LINGO1: variants seen among roughly 807,000 people sequenced by gnomAD.
The protein encoded by LINGO1 is leucine rich repeat and Ig domain containing 1, also known as leucine-rich repeat and immunoglobulin-like domain-containing nogo receptor-interacting protein 1.
Under a neutral mutation model 37.3 loss-of-function variants are expected in LINGO1, and 11 were observed. The observed-to-expected ratio is 0.29, with a 90% CI of 0.19 to 0.49. LINGO1 has a LOEUF of 0.49. Among genes scored for constraint, LINGO1 ranks in the 20% least tolerant of loss-of-function variants. LINGO1 has a pLI of 0.99. For missense variants in LINGO1, 585 were observed against 878.2 expected (o/e 0.67, Z 4.22); for synonymous variants, 387 against 403.0 (o/e 0.96, Z 0.48).
intron 3 of LINGO1, among the ~76,000 whole-genome samples, chr15:77,645,646 G>T (rs994603821): frequency 6.6e-6 from 1 of 152,184 alleles, no homozygotes; most frequent in East Asian, 1.9e-4. Context: ...TGCTGCCTCC[G>T]TGGGCCTCAG....
At chr15:77,810,248 A>G (rs1021155069) in intron 1 of LINGO1, among the ~76,000 whole-genome samples, 34 of 133,986 alleles carry the variant, frequency 2.5e-4, no homozygotes, top group Non-Finnish European at 4.2e-4. Flanking sequence ...ACACACACAC[A>G]CGCATACACA....
At chr15:77,723,007 C>T (rs1054438689) in intron 2 of LINGO1, among the ~76,000 whole-genome samples, 1 of 152,194 alleles carries the variant, frequency 6.6e-6, no homozygotes, top group African/African-American at 2.4e-5. Flanking sequence ...AGGTCGGGGG[C>T]CCTCAGGACC....
At chr15:77,712,405 GC>G (rs2075929177) in intron 2 of LINGO1, among the ~76,000 whole-genome samples, 1 of 151,774 alleles carries the variant, frequency 6.6e-6, no homozygotes, top group Non-Finnish European at 1.5e-5. Flanking sequence ...CAAATATCTT[GC>G]CCCCCTCCCC....
intron 2 of LINGO1, among the ~76,000 whole-genome samples, chr15:77,793,616 T>C (rs549245552): frequency 6.6e-6 from 1 of 152,348 alleles, no homozygotes; most frequent in East Asian, 1.9e-4. Context: ...TTATTTATAA[T>C]GACAGAACAT....
rs955496549 is a variant in LINGO1 at position 77,719,192 on chromosome 15, G to A, written c.-195+15800C>T. On this transcript the variant is annotated intron_variant, in intron 2 of 3. Coordinates refer to the LINGO1 transcript ENST00000561686. ...TCCTCCTCACTGCCTCTTTGAGAGTGAGGCCAGGTTTGCCTGAGCCCCTCT... is the reference window on the plus strand; with the variant it reads ...TCCTCCTCACTGCCTCTTTGAGAGTAAGGCCAGGTTTGCCTGAGCCCCTCT... Among the ~76,000 whole-genome samples the A allele has an allele frequency of 1.1e-4, 16 of 150,098 alleles. 3 individuals carry two copies. The highest frequency in any genetic ancestry group is 2.2e-4 in the Non-Finnish European group (15 of 67,312).
chr15:77,776,504 G>GGCAGGAAAGCAGGAAGGCAGGAAA (rs1325024579), intron 1 of LINGO1, among the ~76,000 whole-genome samples: 16 of 73,518 alleles, frequency 2.2e-4, no homozygotes, highest in South Asian at 4.8e-4. Context: ...AAGGCAGGAA[G>GGCAGGAAAGCAGGAAGGCAGGAAA]GCAGGAAGGC....
chr15:77,714,627 T>C (rs1383563932), intron 2 of LINGO1, among the ~76,000 whole-genome samples: 2 of 152,204 alleles, frequency 1.3e-5, no homozygotes, highest in Non-Finnish European at 2.9e-5. Flanking sequence ...TTTGCCCCAA[T>C]GGCATGAGAA....
intron 3 of LINGO1, among the ~76,000 whole-genome samples, chr15:77,639,530 G>A (rs2074458259): frequency 6.6e-6 from 1 of 151,880 alleles, no homozygotes; most frequent in Non-Finnish European, 1.5e-5. Flanking sequence ...AGAGGAGCGC[G>A]CATGGCAGGA....
intron 2 of LINGO1, among the ~76,000 whole-genome samples, chr15:77,731,919 A>C (rs2076157912): frequency 6.6e-6 from 1 of 151,942 alleles, no homozygotes; most frequent in Admixed American, 6.6e-5. Context: ...CGCCTCCCCC[A>C]CCACAACCAC....
chr15:77,798,482 C>A (rs1287513331), intron 1 of LINGO1, among the ~76,000 whole-genome samples: 1 of 152,252 alleles, frequency 6.6e-6, no homozygotes, highest in Non-Finnish European at 1.5e-5. Context: ...CTCCCTTCCC[C>A]CCAAACCTTC....
intron 1 of LINGO1, among the ~76,000 whole-genome samples, chr15:77,801,420 T>C (rs2076917377): frequency 6.6e-6 from 1 of 152,204 alleles, no homozygotes; most frequent in Non-Finnish European, 1.5e-5. Context: ...CCCATTTCTG[T>C]AATTAACGAT....
intron 2 of LINGO1, among the ~76,000 whole-genome samples, chr15:77,681,521 A>T (rs1042857365): frequency 7.9e-5 from 12 of 152,196 alleles, no homozygotes; most frequent in Non-Finnish European, 1.5e-4. Context: ...CAATGTTGTG[A>T]TGAATGCACA....
At chr15:77,762,022 C>T (rs1313526455) in intron 1 of LINGO1, among the ~76,000 whole-genome samples, 4 of 152,212 alleles carry the variant, frequency 2.6e-5, no homozygotes, top group African/African-American at 9.7e-5. Flanking sequence ...GCTTTATGAC[C>T]TCTTGGGTCT....
chr15:77,635,652 C>T (rs934171026), upstream of LINGO1, among the ~76,000 whole-genome samples: 2 of 152,204 alleles, frequency 1.3e-5, no homozygotes, highest in African/African-American at 2.4e-5. Flanking sequence ...ACCCTGGTGG[C>T]GTGCCTTTTC....
intron 1 of LINGO1, among the ~76,000 whole-genome samples, chr15:77,742,472 G>A (rs2076274020): frequency 6.6e-6 from 1 of 152,200 alleles, no homozygotes; most frequent in African/African-American, 2.4e-5. Flanking sequence ...GGGAAACTAA[G>A]GTGCAGGGTG....
In LINGO1 at chr15:77,717,767, G is replaced by A. The variant is rs771979997; in HGVS notation, c.-195+17225C>T. Among the ~76,000 whole-genome samples the A allele has an allele frequency of 8.6e-5, 13 of 150,646 alleles. 3 individuals are homozygous for A. The highest frequency in any genetic ancestry group is 1.9e-4 in the Non-Finnish European group (13 of 67,514). ...GGAGCCTCAGCAGACAGGGTGCAGC[G>A]GAGGCCCTGCTCAGCACGGCTCAGA... On this transcript the variant is annotated intron_variant, in intron 2 of 3. Coordinates refer to the LINGO1 transcript ENST00000561686.
intron 1 of LINGO1, among the ~76,000 whole-genome samples, chr15:77,771,854 C>T (rs1022205256): frequency 6.6e-6 from 1 of 152,210 alleles, no homozygotes; most frequent in African/African-American, 2.4e-5. Flanking sequence ...TACCTGCTCC[C>T]CTTCCTGACT....
chr15:77,775,664 A>G (rs990228598), intron 1 of LINGO1, among the ~76,000 whole-genome samples: 12 of 152,124 alleles, frequency 7.9e-5, no homozygotes, highest in African/African-American at 2.9e-4. Context: ...GCTCCTTGTC[A>G]TACAGCCTCC....
intron 1 of LINGO1, among the ~76,000 whole-genome samples, chr15:77,801,583 G>A (rs2076919035): frequency 6.7e-6 from 1 of 148,958 alleles, no homozygotes; most frequent in Non-Finnish European, 1.5e-5. Flanking sequence ...AATCAATAAA[G>A]AGTTAATGGG....
Sources: gnomAD v4.1 joint callset for allele counts (sites outside exome capture counted in the v4.1 genomes callset) on GRCh38, gnomAD v4.1.1 for gene constraint, MANE v1.5 for transcripts, NCBI Gene and HGNC (gene_info 2026-07-23, HGNC 2026-07-21) for gene names.